The following SLC30A9 variants were observed in gnomAD, a reference collection of about 807,000 sequenced individuals.
SLC30A9 encodes the protein solute carrier family 30 member 9.
In SLC30A9, 58 loss-of-function variants were observed where a neutral mutation model predicts 87.5. That is an observed-to-expected ratio of 0.66 (90% confidence interval 0.54 to 0.82). SLC30A9 has a LOEUF of 0.82. SLC30A9 is among the 40% of genes least tolerant of loss of function. The probability of loss-of-function intolerance (pLI) is 0.00; values close to 1 mark genes in which losing one functional copy is unlikely to be tolerated. For missense variants in SLC30A9, 557 were observed against 679.1 expected (o/e 0.82, Z 2.00); for synonymous variants, 234 against 233.0 (o/e 1.00, Z -0.04).
intron 6 of SLC30A9, among the ~76,000 whole-genome samples, chr4:42,023,823 A>G (rs1716076104): frequency 6.6e-6 from 1 of 152,144 alleles, no homozygotes; most frequent in African/African-American, 2.4e-5. Flanking sequence ...GAAGCATACA[A>G]TCATGGCGCA....
At position 42,053,164 on chromosome 4, in the gene SLC30A9, A is replaced by G. The variant is rs534438767; in HGVS notation, c.840+3685A>G. Among the ~76,000 whole-genome samples the G allele has an allele frequency of 7.9e-5, 12 of 152,338 alleles. No individual in the cohort carries two copies. In the South Asian group the frequency reaches 2.5e-3, roughly 32 times the overall value. ...GAAATGTATATTAATACCACAAGAC[A>G]TCTCTGCATATCCACTATAATGGCT... On this transcript the variant is annotated intron_variant, in intron 9 of 17. Coordinates refer to ENST00000264451, the MANE Select transcript of SLC30A9 (RefSeq NM_006345.4).
chr4:42,034,885 A>C (rs530599381), intron 6 of SLC30A9, among the ~76,000 whole-genome samples: 1 of 152,268 alleles, frequency 6.6e-6, no homozygotes, highest in East Asian at 1.9e-4. Flanking sequence ...ACCATTTTAC[A>C]TTCCTACCAT....
At chr4:42,006,958 G>A (rs957306919) in intron 2 of SLC30A9, among the ~76,000 whole-genome samples, 4 of 152,076 alleles carry the variant, frequency 2.6e-5, no homozygotes, top group East Asian at 3.9e-4. Flanking sequence ...GGTCTTGTTT[G>A]GGAGTTTGGA....
intron 17 of SLC30A9, among the ~76,000 whole-genome samples, chr4:42,082,619 G>A (rs1279189843): frequency 2.6e-5 from 4 of 152,156 alleles, no homozygotes; most frequent in Admixed American, 6.5e-5. Flanking sequence ...AGGCCAAGGC[G>A]GGTGGATCAC....
rs192508507 is a variant in SLC30A9, at chr4:42,068,017, T to G, written c.1252+825T>G. Among the ~76,000 whole-genome samples the G allele has an allele frequency of 2.6e-4, 39 of 152,338 alleles. 1 individual carries two copies. In the East Asian group the frequency reaches 4.8e-3, roughly 19 times the overall value. On this transcript the variant is annotated intron_variant, in intron 14 of 17. Coordinates refer to ENST00000264451, the MANE Select transcript of SLC30A9 (RefSeq NM_006345.4). Reference sequence around the variant, plus strand: ...GTGGTGATAGGTGTTCCTTACAATTTTCACTTTGCAAACATTTATTCTTTG... The same window carrying G: ...GTGGTGATAGGTGTTCCTTACAATTGTCACTTTGCAAACATTTATTCTTTG...
At chr4:42,013,885 G>T (rs1715568337) in intron 2 of SLC30A9, among the ~76,000 whole-genome samples, 1 of 152,168 alleles carries the variant, frequency 6.6e-6, no homozygotes, top group Non-Finnish European at 1.5e-5. Context: ...AGCAAAAATG[G>T]ACAAATGGGA....
intron 9 of SLC30A9, among the ~76,000 whole-genome samples, chr4:42,052,557 A>T (rs1717420389): frequency 6.6e-6 from 1 of 152,262 alleles, no homozygotes; most frequent in African/African-American, 2.4e-5. Context: ...AATCAATGGA[A>T]CAAAATTGAG....
At chr4:42,050,495 A>T (rs1367420633) in intron 9 of SLC30A9, among the ~76,000 whole-genome samples, 1 of 152,170 alleles carries the variant, frequency 6.6e-6, no homozygotes, top group Admixed American at 6.6e-5. Flanking sequence ...TAGTTTCAAT[A>T]TTAGTTTTTA....
intron 8 of SLC30A9, among the ~76,000 whole-genome samples, chr4:42,045,727 C>T (rs1178482025): frequency 6.6e-6 from 1 of 152,132 alleles, no homozygotes; most frequent in Admixed American, 6.5e-5. Context: ...TTTTATGAGG[C>T]CAGCATCATC....
At chr4:42,036,550 A>G (rs1716682246) in intron 7 of SLC30A9, among the ~76,000 whole-genome samples, 1 of 152,206 alleles carries the variant, frequency 6.6e-6, no homozygotes, top group South Asian at 2.1e-4. Context: ...GCTGGGAGGA[A>G]TCTCCTATCA....
At chr4:42,049,600 A>T in intron 9 of SLC30A9, 121 bp downstream of exon 9, 1 of 484,326 alleles carries the variant, frequency 2.1e-6, no homozygotes, top group Non-Finnish European at 3.6e-6. Context: ...ATAAAATAAA[A>T]GTTTACTTTT....
chr4:42,057,305 C>A lies in SLC30A9; in HGVS notation c.841-2886C>A, dbSNP rs114605318. ...GCAGAGGTTGTCCATGAGAGCCCCGCCTGTGCAGCAAACTTCTACCTGGGC... is the reference window on the plus strand; with the variant it reads ...GCAGAGGTTGTCCATGAGAGCCCCGACTGTGCAGCAAACTTCTACCTGGGC... On this transcript the variant is annotated intron_variant, in intron 9 of 17. Coordinates refer to ENST00000264451, the MANE Select transcript of SLC30A9 (RefSeq NM_006345.4). 3.2e-3 allele frequency among the ~76,000 whole-genome samples: 487 copies of A among 152,300 alleles called. 2 individuals carry two copies. Among genetic ancestry groups the A allele is most frequent in the African/African-American group, 0.011 (466 of 41,578 alleles).
chr4:42,035,539 C>T (rs1400448716), intron 7 of SLC30A9, among the ~76,000 whole-genome samples: 2 of 151,344 alleles, frequency 1.3e-5, no homozygotes, highest in African/African-American at 4.9e-5. Flanking sequence ...CTCTTGTTGC[C>T]CAGGCTGGAG....
chr4:42,074,122 T>G (rs928262516), intron 15 of SLC30A9, among the ~76,000 whole-genome samples: 1 of 152,174 alleles, frequency 6.6e-6, no homozygotes, highest in Non-Finnish European at 1.5e-5. Flanking sequence ...ATAAATGATA[T>G]AGCCTTTTGC....
intron 15 of SLC30A9, among the ~76,000 whole-genome samples, chr4:42,075,187 T>C (rs6856182): frequency 0.65 from 95,685 of 146,374 alleles, 35,552 homozygotes; most frequent in East Asian, 0.96. Context: ...AATTCTCCTG[T>C]CTCAGCCTCC....
rs62302131 is a variant in SLC30A9 at position 42,022,116 on chromosome 4, A to T, written c.435-722A>T. Among the ~76,000 whole-genome samples the T allele has an allele frequency of 4.9e-4, 13 of 26,768 alleles. 3 individuals carry two copies. The highest frequency in any genetic ancestry group is 2.4e-3 in the Non-Finnish European group (8 of 3,346). 17.6% of individuals were successfully genotyped at this position (26,768 alleles called of 152,430 possible). On this transcript the variant is annotated intron_variant, in intron 4 of 17. Transcript: ENST00000264451. ...ACGCCCGGCTAATTTTTGTATTTTT[A>T]GTAGAGACAGGGTTTTGCAGGTTGC...
At chr4:42,015,695 A>G (rs1289866951) in intron 2 of SLC30A9, among the ~76,000 whole-genome samples, 2 of 152,072 alleles carry the variant, frequency 1.3e-5, no homozygotes, top group African/African-American at 2.4e-5. Flanking sequence ...CCTTTCCTTG[A>G]TTCATTCTCT....
intron 8 of SLC30A9, among the ~76,000 whole-genome samples, chr4:42,045,440 C>T (rs996942168): frequency 9.9e-5 from 15 of 152,096 alleles, no homozygotes; most frequent in South Asian, 2.1e-4. Flanking sequence ...AACACCTCTA[C>T]GCAAATAAAC....
chr4:42,042,092 C>T (rs377271565), intron 8 of SLC30A9, among the ~76,000 whole-genome samples: 5 of 152,304 alleles, frequency 3.3e-5, no homozygotes, highest in Middle Eastern at 3.4e-3. Context: ...CGGGTGCCTA[C>T]ACCGCCAGGG....
Sources: allele counts gnomAD v4.1 joint callset (sites outside exome capture counted in the v4.1 genomes callset), GRCh38; gene constraint gnomAD v4.1.1; transcripts MANE v1.5; gene names NCBI Gene and HGNC (gene_info 2026-07-23, HGNC 2026-07-21).